Variants in ADGRB3 observed in about 807,000 individuals in gnomAD.
ADGRB3 encodes brain-specific angiogenesis inhibitor 3.
In ADGRB3, 37 loss-of-function variants were observed where a neutral mutation model predicts 193.4. The ratio of observed to expected loss-of-function variants is 0.19; its 90% CI spans 0.15 to 0.25. The LOEUF is 0.25. ADGRB3 is among the 10% of genes least tolerant of loss of function. ADGRB3 has a pLI of 1.00. For synonymous variants in ADGRB3, 690 were observed against 644.2 expected, an observed-to-expected ratio of 1.07 and a Z score of -1.08; for missense variants, 1,637 against 1,852.9, an observed-to-expected ratio of 0.88 and a Z score of 2.14.
chr6:69,097,940 GA>G (rs1772930541), intron 17 of ADGRB3, among the ~76,000 whole-genome samples: 2 of 152,244 alleles, frequency 1.3e-5, no homozygotes, highest in South Asian at 4.1e-4. Flanking sequence ...ATGTTAGTAT[GA>G]AAACCAGATA....
At chr6:68,670,617 G>T (rs934162875) in intron 3 of ADGRB3, among the ~76,000 whole-genome samples, 3 of 151,780 alleles carry the variant, frequency 2.0e-5, no homozygotes, top group Non-Finnish European at 4.4e-5. Context: ...ATGAGTCTAT[G>T]TTTCTGTTTT....
At chr6:69,210,158 A>G (rs1434359722) in intron 17 of ADGRB3, among the ~76,000 whole-genome samples, 1 of 123,088 alleles carries the variant, frequency 8.1e-6, no homozygotes, top group Non-Finnish European at 1.7e-5. Flanking sequence ...TCATATATAT[A>G]TATATATATA....
At chr6:68,722,990 G>T (rs1765610624) in intron 3 of ADGRB3, among the ~76,000 whole-genome samples, 1 of 151,654 alleles carries the variant, frequency 6.6e-6, no homozygotes, top group African/African-American at 2.4e-5. Flanking sequence ...GACACTGTAG[G>T]GTTTTTTTAC....
chr6:68,957,563 T>C (rs1768109114), intron 8 of ADGRB3, among the ~76,000 whole-genome samples: 1 of 152,152 alleles, frequency 6.6e-6, no homozygotes. Flanking sequence ...CCTAGAGAAT[T>C]TGAAGACCCA....
chr6:69,336,684 T>G (rs531579577), intron 24 of ADGRB3, among the ~76,000 whole-genome samples: 1 of 152,172 alleles, frequency 6.6e-6, no homozygotes, highest in South Asian at 2.1e-4. Context: ...TTGGTTAAAT[T>G]TAGATGTATG....
intron 3 of ADGRB3, among the ~76,000 whole-genome samples, chr6:68,779,510 C>A (rs1407386456): frequency 2.0e-5 from 3 of 151,950 alleles, no homozygotes; most frequent in Non-Finnish European, 4.4e-5. Flanking sequence ...ATACCATAAA[C>A]CACTACTGCA....
rs762498669 is a variant in ADGRB3 at position 69,355,805 on chromosome 6, T to C, written c.3556-16T>C. The C allele has an allele frequency of 3.6e-5, 57 of 1,596,554 alleles. No individual in the cohort carries two copies. In the South Asian group the frequency reaches 6.2e-4, roughly 17 times the overall value. On this transcript the variant is annotated splice_polypyrimidine_tract_variant and intron_variant, in intron 27 of 31. Transcript: ENST00000370598. Reference sequence around the variant, plus strand: ...CATTAAATGATGGTTCTATGTCTTATTATTTATTGTTACAGACAGACTTTG... The same window carrying C: ...CATTAAATGATGGTTCTATGTCTTACTATTTATTGTTACAGACAGACTTTG...
intron 20 of ADGRB3, among the ~76,000 whole-genome samples, chr6:69,321,343 A>C (rs1262045981): frequency 6.6e-6 from 1 of 151,812 alleles, no homozygotes; most frequent in Non-Finnish European, 1.5e-5. Flanking sequence ...GGGGTTTGGC[A>C]AGGCAGGAAA....
At chr6:68,711,088 TACCCA>T (rs1765400945) in intron 3 of ADGRB3, among the ~76,000 whole-genome samples, 1 of 152,124 alleles carries the variant, frequency 6.6e-6, no homozygotes, top group African/African-American at 2.4e-5. Context: ...TTTGTTTTTC[TACCCA>T]GGCCAGCTCT....
intron 20 of ADGRB3, among the ~76,000 whole-genome samples, chr6:69,250,167 A>G (rs1034025435): frequency 4.6e-5 from 7 of 152,206 alleles, no homozygotes; most frequent in Admixed American, 1.3e-4. Flanking sequence ...TATACATGCA[A>G]TTAGGACTAC....
chr6:68,883,620 G>A (rs529636204), intron 3 of ADGRB3, among the ~76,000 whole-genome samples: 5 of 152,150 alleles, frequency 3.3e-5, no homozygotes, highest in African/African-American at 1.2e-4. Flanking sequence ...AACAACTCCA[G>A]AGGCACTGCC....
At chr6:69,157,412 A>C (rs957182380) in intron 17 of ADGRB3, among the ~76,000 whole-genome samples, 4 of 152,164 alleles carry the variant, frequency 2.6e-5, no homozygotes, top group Non-Finnish European at 5.9e-5. Flanking sequence ...TTGCTCAAAG[A>C]AATTACTTGA....
intron 3 of ADGRB3, among the ~76,000 whole-genome samples, chr6:68,703,190 C>A (rs956363667): frequency 5.9e-5 from 9 of 151,990 alleles, no homozygotes; most frequent in African/African-American, 2.2e-4. Flanking sequence ...TTTAAAGCGG[C>A]CATAATGTTG....
intron 17 of ADGRB3, among the ~76,000 whole-genome samples, chr6:69,150,182 T>C (rs547119314): frequency 6.6e-6 from 1 of 152,262 alleles, no homozygotes; most frequent in East Asian, 1.9e-4. Flanking sequence ...GTTTGTATCT[T>C]TCCCTTCAGG....
intron 3 of ADGRB3, among the ~76,000 whole-genome samples, chr6:68,867,903 T>C (rs982293586): frequency 2.6e-5 from 4 of 152,220 alleles, no homozygotes; most frequent in Admixed American, 6.5e-5. Context: ...GTACTCCCAC[T>C]GTTTCTTGGA....
intron 3 of ADGRB3, among the ~76,000 whole-genome samples, chr6:68,896,986 C>CT (rs1217602954): frequency 6.6e-6 from 1 of 152,106 alleles, no homozygotes; most frequent in African/African-American, 2.4e-5. Context: ...AGCAGCTCCT[C>CT]TGGGGGTTAC....
At chr6:69,137,612 T>C (rs1211575144) in intron 17 of ADGRB3, among the ~76,000 whole-genome samples, 1 of 151,906 alleles carries the variant, frequency 6.6e-6, no homozygotes, top group Non-Finnish European at 1.5e-5. Flanking sequence ...TCCTGGCCAA[T>C]ATGATGAAAC....
intron 17 of ADGRB3, among the ~76,000 whole-genome samples, chr6:69,097,923 C>CATAATTATGTTATAT (rs1772929852): frequency 1.3e-5 from 2 of 152,198 alleles, no homozygotes; most frequent in South Asian, 4.1e-4. Context: ...AAAGTAAAAA[C>CATAATTATGTTATAT]ATAATTATGT....
At chr6:69,010,497 G>T (rs186312127) in intron 11 of ADGRB3, among the ~76,000 whole-genome samples, 330 of 152,058 alleles carry the variant, frequency 2.2e-3, no homozygotes, top group Non-Finnish European at 3.1e-3. Context: ...AAATCATAAA[G>T]TTGCCATATA....
Sources: allele counts gnomAD v4.1 joint callset (sites outside exome capture counted in the v4.1 genomes callset), GRCh38; gene constraint gnomAD v4.1.1; transcripts MANE v1.5; gene names NCBI Gene and HGNC (gene_info 2026-07-23, HGNC 2026-07-21).